IL1RAPL1: variants seen among roughly 807,000 people sequenced by gnomAD.
IL1RAPL1 encodes interleukin 1 receptor accessory protein like 1, also known as interleukin-1 receptor accessory protein-like 1.
Under a neutral mutation model 48.4 loss-of-function variants are expected in IL1RAPL1, and 3 were observed. The ratio of observed to expected loss-of-function variants is 0.06; its 90% CI spans 0.03 to 0.16. The LOEUF (loss-of-function observed/expected upper bound fraction) is 0.16. Ranked by LOEUF, IL1RAPL1 falls within the 10% of genes least tolerant of loss-of-function variation. The pLI is 1.00. For missense variants in IL1RAPL1, 349 were observed against 530.6 expected (o/e 0.66, Z 3.36); for synonymous variants, 185 against 187.7 (o/e 0.99, Z 0.12).
chrX:29,006,336 A>G (rs959145467), intron 2 of IL1RAPL1, among the ~76,000 whole-genome samples: 2 of 110,020 alleles, frequency 1.8e-5, no homozygotes, highest in African/African-American at 6.6e-5. Context: ...CAACATGGTA[A>G]AACCCTGTCT....
At chrX:29,531,851 T>C (rs1464890990) in intron 5 of IL1RAPL1, among the ~76,000 whole-genome samples, 1 of 112,025 alleles carries the variant, frequency 8.9e-6, no homozygotes, top group African/African-American at 3.3e-5. Flanking sequence ...ATTCTCCCTG[T>C]ATCTCTGTGT....
intron 8 of IL1RAPL1, among the ~76,000 whole-genome samples, chrX:29,925,666 T>A (rs1932884156): frequency 9.3e-6 from 1 of 107,403 alleles, no homozygotes; most frequent in South Asian, 4.2e-4. Flanking sequence ...GCCTCCCTTG[T>A]GGCTAGGACT....
At chrX:28,688,132 A>C in intron 1 of IL1RAPL1, among the ~76,000 whole-genome samples, 1 of 107,542 alleles carries the variant, frequency 9.3e-6, no homozygotes. Context: ...AAGAGAAAAT[A>C]TAGGAACCAC....
intron 2 of IL1RAPL1, among the ~76,000 whole-genome samples, chrX:29,145,147 T>C (rs1474935546): frequency 8.9e-6 from 1 of 112,213 alleles, no homozygotes; most frequent in Admixed American, 9.5e-5. Context: ...TGTGCTTGTC[T>C]GAAATGAGCT....
chrX:28,941,197 A>T (rs1924155742), intron 2 of IL1RAPL1, among the ~76,000 whole-genome samples: 1 of 111,054 alleles, frequency 9.0e-6, no homozygotes. Flanking sequence ...AAGCAAAAGG[A>T]TTTATTTTTC....
intron 6 of IL1RAPL1, among the ~76,000 whole-genome samples, chrX:29,740,122 G>GAAAAAAAAAAAAAAAAAAAAAAACAA (rs1172511347): frequency 1.7e-4 from 9 of 52,280 alleles, no homozygotes; most frequent in Non-Finnish European, 2.6e-4. Flanking sequence ...CAAAAAAACA[G>GAAAAAAAAAAAAAAAAAAAAAAACAA]AAAAAAAAAA....
intron 5 of IL1RAPL1, among the ~76,000 whole-genome samples, chrX:29,599,471 T>C (rs763052789): frequency 1.2e-4 from 14 of 112,121 alleles, no homozygotes; most frequent in Non-Finnish European, 1.9e-5. Flanking sequence ...TGCCTGACTT[T>C]AGATAACCTC....
intron 2 of IL1RAPL1, among the ~76,000 whole-genome samples, chrX:28,854,962 C>A (rs988588560): frequency 9.0e-6 from 1 of 111,567 alleles, no homozygotes; most frequent in Non-Finnish European, 1.9e-5. Context: ...GTCTCAGATC[C>A]TCTTATCTTG....
chrX:29,389,173 G>A (rs1337646479), intron 3 of IL1RAPL1, among the ~76,000 whole-genome samples: 3 of 109,577 alleles, frequency 2.7e-5, no homozygotes, highest in Non-Finnish European at 3.8e-5. Flanking sequence ...TGGCTAACAC[G>A]GTGAAACCCC....
In IL1RAPL1 at chrX:29,956,471, C is replaced by T. The variant is rs775366175; in HGVS notation, c.*651C>T. 74 of 108,365 alleles carry T rather than the reference C, an allele frequency of 6.8e-4. No individual in the cohort carries two copies. The highest frequency in any genetic ancestry group is 1.2e-3 in the Non-Finnish European group (64 of 53,284). 8.9% of individuals were successfully genotyped at this position (108,365 alleles called of 1,213,427 possible). ...GGCGGCATGATGTGTAAACTCTGTGCAGGGGTGGGGGCGGGTCTAACTGTC... is the reference window on the plus strand; with the variant it reads ...GGCGGCATGATGTGTAAACTCTGTGTAGGGGTGGGGGCGGGTCTAACTGTC... On this transcript the variant is annotated 3_prime_UTR_variant, in exon 11 of 11. Coordinates refer to ENST00000378993, the MANE Select transcript of IL1RAPL1 (RefSeq NM_014271.4).
intron 2 of IL1RAPL1, among the ~76,000 whole-genome samples, chrX:29,211,526 G>A (rs770142666): frequency 2.7e-4 from 30 of 111,846 alleles, no homozygotes; most frequent in African/African-American, 9.7e-4. Flanking sequence ...ATCAGAATGA[G>A]TAGCTTTTAA....
chrX:28,929,312 T>G (rs768346851), intron 2 of IL1RAPL1, among the ~76,000 whole-genome samples: 1 of 112,169 alleles, frequency 8.9e-6, no homozygotes, highest in South Asian at 3.7e-4. Context: ...ATTATAACCT[T>G]ATGCTACCAC....
At chrX:29,607,293 T>C (rs1923924137) in intron 5 of IL1RAPL1, among the ~76,000 whole-genome samples, 1 of 111,823 alleles carries the variant, frequency 8.9e-6, no homozygotes, top group African/African-American at 3.3e-5. Context: ...ATGAAAAGGA[T>C]TAAAATGATC....
rs1341919042 is a variant in IL1RAPL1 at position 29,650,303 on chromosome X, A to G, written c.704-18127A>G. Among the ~76,000 whole-genome samples, 3 of 112,020 alleles carry G rather than the reference A, an allele frequency of 2.7e-5. No homozygotes were observed. In the East Asian group the frequency reaches 8.3e-4, roughly 31 times the overall value. On this transcript the variant is annotated intron_variant, in intron 5 of 10. Coordinates refer to ENST00000378993, the MANE Select transcript of IL1RAPL1 (RefSeq NM_014271.4). ...CAATAGGTTTTATAAACTGCAAAAGACACAAAAGAGCCAATGCAATCTTGA... is the reference window on the plus strand; with the variant it reads ...CAATAGGTTTTATAAACTGCAAAAGGCACAAAAGAGCCAATGCAATCTTGA...
chrX:29,256,286 C>G (rs1931757026), intron 2 of IL1RAPL1, among the ~76,000 whole-genome samples: 1 of 110,891 alleles, frequency 9.0e-6, no homozygotes. Context: ...TTTCCCTTCC[C>G]TTTTTCACAA....
Position 29,955,361 on chromosome X carries a change from C to T in IL1RAPL1, c.1632C>T (p.Cys544=), listed in dbSNP as rs746689601. 25 of 1,209,480 alleles carry T rather than the reference C, an allele frequency of 2.1e-5. No homozygotes were observed. Among genetic ancestry groups the T allele is most frequent in the Non-Finnish European group, 2.6e-5 (23 of 895,055 alleles). The part of the protein sequence containing the change: ...LTVIKWHGPK[C]NKLNSKFWKR... Reference sequence around the variant, plus strand: ...TCATTAAATGGCATGGACCAAAATGCAACAAGTTGAACTCCAAGTTCTGGA... The same window carrying T: ...TCATTAAATGGCATGGACCAAAATGTAACAAGTTGAACTCCAAGTTCTGGA... Residue 544 remains cysteine (C), a synonymous_variant, in exon 11 of 11, where the codon TGC becomes TGT. Transcript: ENST00000378993.
At chrX:29,763,818 T>A (rs5927194) in intron 6 of IL1RAPL1, among the ~76,000 whole-genome samples, 44,954 of 108,600 alleles carry the variant, frequency 0.41, 7,024 homozygotes, top group African/African-American at 0.5. Context: ...TTCCCTCAGA[T>A]TAATAGTATA....
In IL1RAPL1 at chrX:28,789,424, C is replaced by T. The variant is rs1033929254; in HGVS notation, c.81C>T (p.Ser27=). Residue 27 remains serine, a splice_region_variant and synonymous_variant, in exon 2 of 11, where the codon TCC becomes TCT. Coordinates refer to ENST00000378993, the MANE Select transcript of IL1RAPL1 (RefSeq NM_014271.4). ...TGAAGGTTGTGACCAAAAGAGGCTC[C>T]GGTAAGCAGTATTCCTCTATTTTTT... is the stretch of plus-strand genomic sequence containing the variant. ...QSLKVVTKRG[S]ADGCTDWSID... is the part of the protein sequence containing the mutation. 10 of 1,177,505 alleles carry T rather than the reference C, an allele frequency of 8.5e-6. No homozygotes were observed. Among genetic ancestry groups the T allele is most frequent in the African/African-American group, 1.8e-5 (1 of 56,578 alleles).
At chrX:29,012,198 G>A (rs974056083) in intron 2 of IL1RAPL1, among the ~76,000 whole-genome samples, 6 of 112,337 alleles carry the variant, frequency 5.3e-5, no homozygotes, top group East Asian at 2.8e-4. Flanking sequence ...TTAAAAACAC[G>A]TCTAGATAGC....
Sources: allele counts gnomAD v4.1 joint callset (sites outside exome capture counted in the v4.1 genomes callset), GRCh38; gene constraint gnomAD v4.1.1; transcripts MANE v1.5; gene names NCBI Gene and HGNC (gene_info 2026-07-23, HGNC 2026-07-21).